Variants in USP13 observed in about 807,000 individuals in gnomAD.
USP13 encodes ubiquitin carboxyl-terminal hydrolase 13.
USP13 carries 68 observed loss-of-function variants against 107.8 expected under a neutral mutation model. The ratio of observed to expected loss-of-function variants is 0.63; its 90% CI spans 0.52 to 0.77. The LOEUF is 0.77. USP13 is among the 30% of genes least tolerant of loss of function. The probability of loss-of-function intolerance (pLI) is 0.00; values close to 1 mark genes in which losing one functional copy is unlikely to be tolerated. For missense variants in USP13, 945 were observed against 1,093.3 expected, an observed-to-expected ratio of 0.86 and a Z score of 1.91; for synonymous variants, 377 against 389.5, an observed-to-expected ratio of 0.97 and a Z score of 0.38.
chr3:179,717,341 G>T lies in USP13; in HGVS notation c.806-2599G>T, dbSNP rs114185940. Among the ~76,000 whole-genome samples the T allele has an allele frequency of 8.1e-3, 1,238 of 152,236 alleles. 27 individuals carry two copies. Among genetic ancestry groups the T allele is most frequent in the African/African-American group, 0.029 (1,199 of 41,540 alleles). ...ATCACAGTTCATTTTCAGGTTTCTT[G>T]TATGTTACTCACTAAACACTTTTTG... On this transcript the variant is annotated intron_variant, in intron 6 of 20. Transcript: ENST00000263966.
intron 8 of USP13, among the ~76,000 whole-genome samples, chr3:179,722,895 C>T (rs562083701): frequency 4.6e-5 from 7 of 152,178 alleles, no homozygotes; most frequent in Non-Finnish European, 7.3e-5. Flanking sequence ...TACAAGACTG[C>T]CTTCCTCCTC....
intron 19 of USP13, among the ~76,000 whole-genome samples, chr3:179,775,821 G>T (rs1715512766): frequency 6.6e-6 from 1 of 152,158 alleles, no homozygotes; most frequent in East Asian, 1.9e-4. Context: ...CGCGAGCATT[G>T]TGCGCAGCCC....
chr3:179,787,213 C>T lies in USP13; in HGVS notation c.*3072C>T, dbSNP rs1005242738. On this transcript the variant is annotated 3_prime_UTR_variant, in exon 21 of 21. Transcript: ENST00000263966. ...AGTCCAGCGGGGATAGCTCGAGCCT[C>T]TTGCTCCCTGAGTCATTTATTCCCT... is the stretch of plus-strand genomic sequence containing the variant. 6.6e-6 allele frequency: 1 copy of T among 152,204 alleles called. No individual in the cohort carries two copies. Among genetic ancestry groups the T allele is most frequent in the Admixed American group, 6.5e-5 (1 of 15,278 alleles). The allele number at this position is 152,204 out of a possible 1,614,324, so 9.4% of individuals were successfully genotyped here.
chr3:179,767,886 A>T (rs1424235918), intron 19 of USP13, among the ~76,000 whole-genome samples: 1 of 152,172 alleles, frequency 6.6e-6, no homozygotes, highest in Non-Finnish European at 1.5e-5. Context: ...ATAGAAAGAG[A>T]CGGTGGGAGG....
At chr3:179,777,222 C>T (rs1018643671) in intron 19 of USP13, among the ~76,000 whole-genome samples, 1 of 151,868 alleles carries the variant, frequency 6.6e-6, no homozygotes, top group African/African-American at 2.4e-5. Flanking sequence ...GCTTTAGTGA[C>T]ATGTTTGGAT....
At chr3:179,753,044 T>C (rs1479899040) in intron 14 of USP13, among the ~76,000 whole-genome samples, 5 of 152,240 alleles carry the variant, frequency 3.3e-5, no homozygotes, top group Non-Finnish European at 2.9e-5. Context: ...TAAGATCTAA[T>C]ACAAAGGGTG....
At chr3:179,699,431 A>G (rs1712429894) in intron 3 of USP13, among the ~76,000 whole-genome samples, 1 of 152,180 alleles carries the variant, frequency 6.6e-6, no homozygotes. Flanking sequence ...AAACATTGAA[A>G]CCAGGCGTGG....
intron 6 of USP13, among the ~76,000 whole-genome samples, chr3:179,716,080 A>C (rs1434902464): frequency 6.6e-6 from 1 of 152,038 alleles, no homozygotes; most frequent in African/African-American, 2.4e-5. Context: ...ATGTGCCACC[A>C]CGCCAAGCTA....
At position 179,745,436 on chromosome 3, in the gene USP13, G is replaced by A. The variant is rs529875643; in HGVS notation, c.1709+219G>A. Among the ~76,000 whole-genome samples the A allele has an allele frequency of 2.6e-5, 4 of 152,170 alleles. No homozygotes were observed. The South Asian group carries it at 8.3e-4, about 32-fold the overall frequency. On this transcript the variant is annotated intron_variant, in intron 13 of 20. Coordinates refer to ENST00000263966, the MANE Select transcript of USP13 (RefSeq NM_003940.3). ...TGTGATTTATATTACGTGCTAAGGA[G>A]GGGTTTTCTTTTTTCTTTTTTTAAA...
intron 10 of USP13, among the ~76,000 whole-genome samples, chr3:179,731,562 C>T (rs1209241400): frequency 1.3e-5 from 2 of 152,154 alleles, no homozygotes; most frequent in African/African-American, 4.8e-5. Context: ...GTGGGCCAGT[C>T]GTTACTAATT....
At position 179,780,912 on chromosome 3, in the gene USP13, C is replaced by T. The variant is rs1456155741; in HGVS notation, c.2414-827C>T. ...TTAAATTCAACAGACATACATTTTACTCTCATTTACTCTAAAGTCTTGTAA... is the reference window on the plus strand; with the variant it reads ...TTAAATTCAACAGACATACATTTTATTCTCATTTACTCTAAAGTCTTGTAA... On this transcript the variant is annotated intron_variant, in intron 19 of 20. Coordinates refer to ENST00000263966, the MANE Select transcript of USP13 (RefSeq NM_003940.3). Among the ~76,000 whole-genome samples, 5 of 151,778 alleles carry T rather than the reference C, an allele frequency of 3.3e-5. No individual in the cohort carries two copies. In the South Asian group the frequency reaches 1.0e-3, roughly 31 times the overall value.
In USP13 at chr3:179,745,118, C is replaced by A. The variant is rs1294671700; in HGVS notation, c.1610C>A (p.Ala537Asp). 6.2e-7 allele frequency: 1 copy of A among 1,614,004 alleles called. No individual in the cohort carries two copies. Among genetic ancestry groups the A allele is most frequent in the African/African-American group, 1.3e-5 (1 of 74,900 alleles). Reference protein sequence around the residue: ...NRRPLPELVRAKIPFSACLQA... With the variant: ...NRRPLPELVRDKIPFSACLQA... Reference sequence around the variant, plus strand: ...AGACCCCTTCCTGAGTTGGTACGTGCCAAGATACCATTTAGTGCCTGCCTT... The same window carrying A: ...AGACCCCTTCCTGAGTTGGTACGTGACAAGATACCATTTAGTGCCTGCCTT... The change falls in exon 13 of 21, where the codon GCC becomes GAC. Residue 537 changes from alanine (A) to aspartate (D), a missense_variant. By Grantham distance (126) the Ala-to-Asp change is moderately radical. Transcript: ENST00000263966.
rs1715993505 is a variant in USP13, at chr3:179,789,353, T to G, written c.*5212T>G. On this transcript the variant is annotated 3_prime_UTR_variant, in exon 21 of 21. Coordinates refer to ENST00000263966, the MANE Select transcript of USP13 (RefSeq NM_003940.3). ...TATTTGCCTGAGATGGAAAGAGAGA[T>G]GGATGATTTATTGCTTCAATTGTTT... The G allele has an allele frequency of 6.6e-6, 1 of 152,210 alleles. No individual in the cohort carries two copies. Among genetic ancestry groups the G allele is most frequent in the Non-Finnish European group, 1.5e-5 (1 of 68,032 alleles). The allele number at this position is 152,210 out of a possible 1,614,324, so 9.4% of individuals were successfully genotyped here.
At chr3:179,773,419 A>G (rs1261651628) in intron 19 of USP13, among the ~76,000 whole-genome samples, 2 of 152,286 alleles carry the variant, frequency 1.3e-5, no homozygotes, top group Admixed American at 6.5e-5. Context: ...TCTGTAGACT[A>G]ACTAAATAAT....
At chr3:179,662,664 C>A (rs1158751364) in intron 1 of USP13, among the ~76,000 whole-genome samples, 1 of 152,082 alleles carries the variant, frequency 6.6e-6, no homozygotes, top group Non-Finnish European at 1.5e-5. Flanking sequence ...AAATCATAAT[C>A]AAGAAGTCAC....
intron 9 of USP13, 22 bp from the exon 10 acceptor site, chr3:179,730,594 T>G (rs753325820): frequency 8.1e-7 from 1 of 1,242,044 alleles, no homozygotes; most frequent in South Asian, 1.3e-5. Context: ...CCTTTTTGTT[T>G]CTGTTTCTCT....
At chr3:179,732,629 C>A (rs532337405) in intron 10 of USP13, among the ~76,000 whole-genome samples, 1 of 152,040 alleles carries the variant, frequency 6.6e-6, no homozygotes, top group African/African-American at 2.4e-5. Flanking sequence ...CTTGCGTGAC[C>A]GTTTCTGTGC....
intron 3 of USP13, among the ~76,000 whole-genome samples, chr3:179,696,328 AT>A (rs4041265): frequency 2.1e-4 from 25 of 117,700 alleles, no homozygotes; most frequent in African/African-American, 4.9e-4. Flanking sequence ...GCCATTAGGC[AT>A]TTTTTTTTTT....
Position 179,730,276 on chromosome 3 carries a change from G to T in USP13, c.1160+16G>T, listed in dbSNP as rs1322020394. On this transcript the variant is annotated intron_variant, in intron 9 of 20. Coordinates refer to ENST00000263966, the MANE Select transcript of USP13 (RefSeq NM_003940.3). ...ACACACAGATGTAAGTGCCAGATTTGTATTTTTTTTTTTCTAGAAAAAGCA... is the reference window on the plus strand; with the variant it reads ...ACACACAGATGTAAGTGCCAGATTTTTATTTTTTTTTTTCTAGAAAAAGCA... 1 of 1,463,438 alleles carries T rather than the reference G, an allele frequency of 6.8e-7. No homozygotes were observed. The highest frequency in any genetic ancestry group is 9.0e-7 in the Non-Finnish European group (1 of 1,114,878). 90.7% of individuals were successfully genotyped at this position (1,463,438 alleles called of 1,614,324 possible).
Sources: allele counts gnomAD v4.1 joint callset (sites outside exome capture counted in the v4.1 genomes callset), GRCh38; gene constraint gnomAD v4.1.1; transcripts MANE v1.5; gene names NCBI Gene and HGNC (gene_info 2026-07-23, HGNC 2026-07-21).